The following CALN1 variants were observed in gnomAD, a reference collection of about 807,000 sequenced individuals.
The protein encoded by CALN1 is calneuron 1, also known as calcium-binding protein 8.
In CALN1, 17 loss-of-function variants were observed where a neutral mutation model predicts 30.6. The observed-to-expected ratio is 0.56, with a 90% CI of 0.38 to 0.83. The LOEUF (loss-of-function observed/expected upper bound fraction) is 0.83. CALN1 is among the 40% of genes least tolerant of loss of function. CALN1 has a pLI of 0.00. For synonymous variants in CALN1, 156 were observed against 131.4 expected (o/e 1.19, Z -1.28); for missense variants, 291 against 354.9 (o/e 0.82, Z 1.45).
intron 3 of CALN1, among the ~76,000 whole-genome samples, chr7:72,148,971 AG>A (rs1360386215): frequency 9.4e-6 from 1 of 105,886 alleles, no homozygotes; most frequent in African/African-American, 3.5e-5. Flanking sequence ...GAAGGGAGGG[AG>A]GGAGGGAGGG....
At chr7:72,250,034 G>T (rs902384635) in intron 3 of CALN1, among the ~76,000 whole-genome samples, 1 of 151,294 alleles carries the variant, frequency 6.6e-6, no homozygotes, top group Non-Finnish European at 1.5e-5. Context: ...CTTTAACTCA[G>T]ATGGGCTCTT....
intron 3 of CALN1, among the ~76,000 whole-genome samples, chr7:72,137,742 A>G (rs1403951607): frequency 6.6e-6 from 1 of 152,256 alleles, no homozygotes; most frequent in East Asian, 1.9e-4. Flanking sequence ...TCTGATGGTT[A>G]TAGTATGCTT....
At chr7:72,264,019 C>T (rs1288400592) in intron 3 of CALN1, among the ~76,000 whole-genome samples, 2 of 152,144 alleles carry the variant, frequency 1.3e-5, no homozygotes, top group Non-Finnish European at 2.9e-5. Context: ...TTGGACTGAG[C>T]TCCTGCACGC....
intron 1 of CALN1, among the ~76,000 whole-genome samples, chr7:72,437,890 TCCTCCCTC>T (rs984538185): frequency 3.4e-5 from 5 of 145,162 alleles, no homozygotes; most frequent in African/African-American, 1.3e-4. Context: ...TTTCCTTCCT[TCCTCCCTC>T]CCTCCCTCCT....
Position 71,790,019 on chromosome 7 carries a change from G to A in CALN1, c.659-2117C>T, listed in dbSNP as rs531357311. 2.4e-4 allele frequency among the ~76,000 whole-genome samples: 36 copies of A among 151,904 alleles called. No individual in the cohort carries two copies. In the South Asian group the frequency reaches 4.6e-3, roughly 19 times the overall value. The stretch of plus-strand genomic sequence containing the variant: ...GTTGGGAGGCTGAGGCAGAAGGATC[G>A]CTTGAGCCCAAGAGCTCAGGGCTGT... On this transcript the variant is annotated intron_variant, in intron 6 of 6. Transcript: ENST00000395275.
intron 2 of CALN1, among the ~76,000 whole-genome samples, chr7:72,326,585 TCAGTA>T (rs763686882): frequency 1.3e-5 from 2 of 152,242 alleles, no homozygotes; most frequent in African/African-American, 2.4e-5. Context: ...ACATCAGTGT[TCAGTA>T]CAGATGTTTG....
chr7:72,401,006 AG>A lies in CALN1; in HGVS notation c.119+2244del, dbSNP rs1380868477. ...CATAACCACTCAGGCCACTGCAGCG[AG>A]GAAACAGTGGTGGCTCTCTTTTGAG... is the stretch of plus-strand genomic sequence containing the variant. On this transcript the variant is annotated intron_variant, in intron 2 of 6. Coordinates refer to ENST00000395275, the MANE Select transcript of CALN1 (RefSeq NM_031468.4). Among the ~76,000 whole-genome samples the A allele has an allele frequency of 2.0e-5, 3 of 152,166 alleles. No individual in the cohort carries two copies. The East Asian group carries it at 5.8e-4, about 29-fold the overall frequency.
chr7:72,400,229 G>C (rs555131742), intron 2 of CALN1, among the ~76,000 whole-genome samples: 2 of 152,106 alleles, frequency 1.3e-5, no homozygotes, highest in Admixed American at 6.5e-5. Context: ...CAGCAGCTAC[G>C]TTCATGCATC....
At chr7:71,940,797 G>A (rs1199087086) in intron 5 of CALN1, among the ~76,000 whole-genome samples, 1 of 152,044 alleles carries the variant, frequency 6.6e-6, no homozygotes, top group Non-Finnish European at 1.5e-5. Context: ...AATTTTGGTA[G>A]AGACAGGATT....
At chr7:72,136,748 T>C (rs1024779971) in intron 3 of CALN1, among the ~76,000 whole-genome samples, 3 of 152,192 alleles carry the variant, frequency 2.0e-5, no homozygotes, top group Non-Finnish European at 2.9e-5. Context: ...GAGGCCACTG[T>C]AGCATTACTA....
chr7:71,960,999 T>C (rs1797223611), intron 5 of CALN1, among the ~76,000 whole-genome samples: 1 of 152,118 alleles, frequency 6.6e-6, no homozygotes, highest in Non-Finnish European at 1.5e-5. Context: ...GTATTTTTAG[T>C]AGAGATGGGG....
At chr7:71,797,783 G>A (rs980031505) in intron 6 of CALN1, among the ~76,000 whole-genome samples, 8 of 152,046 alleles carry the variant, frequency 5.3e-5, no homozygotes, top group Admixed American at 3.9e-4. Flanking sequence ...TTTTGTGGTT[G>A]GGACCTTCAC....
In CALN1 at chr7:71,900,912, G is replaced by A. The variant is rs183095793; in HGVS notation, c.502-90420C>T. ...AGTAACTGTGCACGTGGGCCCAAGAGACCATCCACAACATGCTGAGCAACA... is the reference window on the plus strand; with the variant it reads ...AGTAACTGTGCACGTGGGCCCAAGAAACCATCCACAACATGCTGAGCAACA... On this transcript the variant is annotated intron_variant, in intron 5 of 6. Coordinates refer to ENST00000395275, the MANE Select transcript of CALN1 (RefSeq NM_031468.4). Among the ~76,000 whole-genome samples the A allele has an allele frequency of 2.5e-3, 376 of 152,270 alleles. 2 individuals are homozygous for A. Among genetic ancestry groups the A allele is most frequent in the Middle Eastern group, 0.01 (3 of 294 alleles).
chr7:72,468,186 T>C, the CALN1 span, among the ~76,000 whole-genome samples: 39 of 152,252 alleles, frequency 2.6e-4, no homozygotes, highest in African/African-American at 8.9e-4. Flanking sequence ...TTAGCCATTG[T>C]GAATAGTACT....
chr7:71,784,656 T>C lies in CALN1; in HGVS notation c.*3119A>G. On this transcript the variant is annotated 3_prime_UTR_variant, in exon 7 of 7. Transcript: ENST00000395275. ...TTCCAGGGGGGCGGCGGGGGGTACCTGCTCTTGCAGCAAGAATGAGCCAAC... is the reference window on the plus strand; with the variant it reads ...TTCCAGGGGGGCGGCGGGGGGTACCCGCTCTTGCAGCAAGAATGAGCCAAC... The C allele has an allele frequency of 2.5e-6, 1 of 396,198 alleles. No individual in the cohort carries two copies. Among genetic ancestry groups the C allele is most frequent in the South Asian group, 1.4e-4 (1 of 7,060 alleles). The allele number at this position is 396,198 out of a possible 1,614,324, so 24.5% of individuals were successfully genotyped here.
At chr7:72,273,782 A>C (rs1217783287) in intron 3 of CALN1, among the ~76,000 whole-genome samples, 1 of 152,060 alleles carries the variant, frequency 6.6e-6, no homozygotes, top group African/African-American at 2.4e-5. Context: ...AAGTGCTGGG[A>C]TTACATAGGC....
chr7:71,905,425 G>T, intron 5 of CALN1, among the ~76,000 whole-genome samples: 2 of 149,018 alleles, frequency 1.3e-5, no homozygotes. Context: ...ACCCTCTAAA[G>T]TCTCTAAAGT....
At chr7:72,255,762 A>G (rs1795866978) in intron 3 of CALN1, among the ~76,000 whole-genome samples, 1 of 120,640 alleles carries the variant, frequency 8.3e-6, no homozygotes, top group African/African-American at 3.2e-5. Flanking sequence ...ACAAAGTCTC[A>G]CCCTGTCGCC....
In CALN1 at chr7:72,270,425, T is replaced by C. The variant is rs528336186; in HGVS notation, c.244+8261A>G. Among the ~76,000 whole-genome samples, 377 of 152,294 alleles carry C rather than the reference T, an allele frequency of 2.5e-3. 3 individuals carry two copies. Among genetic ancestry groups the C allele is most frequent in the African/African-American group, 8.5e-3 (354 of 41,558 alleles). On this transcript the variant is annotated intron_variant, in intron 3 of 6. Coordinates refer to ENST00000395275, the MANE Select transcript of CALN1 (RefSeq NM_031468.4). ...TGAATTTTTTAAGACTAAAGAAATA[T>C]TTTTTAAAATGTATTTTTATTTGTA...
Sources: gnomAD v4.1 joint callset for allele counts (sites outside exome capture counted in the v4.1 genomes callset) on GRCh38, gnomAD v4.1.1 for gene constraint, MANE v1.5 for transcripts, NCBI Gene and HGNC (gene_info 2026-07-23, HGNC 2026-07-21) for gene names.